The following KIAA0232 variants were observed in gnomAD, a reference collection of about 807,000 sequenced individuals.
KIAA0232 encodes the protein KIAA0232, also known as uncharacterized protein KIAA0232.
A neutral mutation model predicts 122.0 loss-of-function variants in KIAA0232; 27 were observed. The ratio of observed to expected loss-of-function variants is 0.22; its 90% CI spans 0.16 to 0.31. The LOEUF (loss-of-function observed/expected upper bound fraction) is 0.31, where lower values mean the gene tolerates loss of function less well. Among genes scored for constraint, KIAA0232 ranks in the 10% least tolerant of loss-of-function variants. The pLI is 1.00. For synonymous variants in KIAA0232, 613 were observed against 587.6 expected (o/e 1.04, Z -0.63); for missense variants, 1,551 against 1,634.2 (o/e 0.95, Z 0.88).
intron 8 of KIAA0232, among the ~76,000 whole-genome samples, chr4:6,873,451 C>T (rs545823458): frequency 6.6e-6 from 1 of 152,352 alleles, no homozygotes; most frequent in African/African-American, 2.4e-5. Flanking sequence ...GATGTGGCCA[C>T]AGCTGTGCCA....
intron 7 of KIAA0232, among the ~76,000 whole-genome samples, chr4:6,866,556 T>C (rs1191518977): frequency 1.3e-5 from 2 of 152,176 alleles, no homozygotes; most frequent in Non-Finnish European, 2.9e-5. Flanking sequence ...AAAGGTGCTT[T>C]TAAGAGGATG....
At chr4:6,815,917 C>T (rs1372319031) in intron 2 of KIAA0232, among the ~76,000 whole-genome samples, 2 of 152,132 alleles carry the variant, frequency 1.3e-5, no homozygotes, top group Non-Finnish European at 2.9e-5. Context: ...TTTTGTCTCA[C>T]CTCCTTGAAT....
In KIAA0232 at chr4:6,820,367, A is replaced by G. The variant is rs116237206; in HGVS notation, c.-269-3818A>G. On this transcript the variant is annotated intron_variant, in intron 2 of 9. Transcript: ENST00000307659. Reference sequence around the variant, plus strand: ...ATCTACCAGATTGACATTTAGGAATATAAATTTGAATTCTGTGGAAAAAAT... The same window carrying G: ...ATCTACCAGATTGACATTTAGGAATGTAAATTTGAATTCTGTGGAAAAAAT... Among the ~76,000 whole-genome samples, 1,356 of 152,342 alleles carry G rather than the reference A, an allele frequency of 8.9e-3. 11 individuals carry two copies. The highest frequency in any genetic ancestry group is 0.011 in the Non-Finnish European group (718 of 68,034).
At chr4:6,823,637 G>C (rs1241217056) in intron 2 of KIAA0232, among the ~76,000 whole-genome samples, 2 of 150,834 alleles carry the variant, frequency 1.3e-5, no homozygotes, top group African/African-American at 4.9e-5. Context: ...ACTTATTTCC[G>C]TTATACTTAG....
chr4:6,818,598 T>G (rs1027094051), intron 2 of KIAA0232, among the ~76,000 whole-genome samples: 1 of 151,970 alleles, frequency 6.6e-6, no homozygotes, highest in East Asian at 1.9e-4. Flanking sequence ...AAATATTTCA[T>G]GTTCATGGAC....
intron 4 of KIAA0232, among the ~76,000 whole-genome samples, chr4:6,847,071 T>C (rs1720003382): frequency 6.6e-6 from 1 of 152,060 alleles, no homozygotes; most frequent in African/African-American, 2.4e-5. Flanking sequence ...GACAATAATA[T>C]AGGTTATATT....
chr4:6,844,589 C>T (rs1473641626), intron 4 of KIAA0232, among the ~76,000 whole-genome samples: 1 of 152,134 alleles, frequency 6.6e-6, no homozygotes, highest in Admixed American at 6.6e-5. Flanking sequence ...GCATCCGCCA[C>T]CACACCCAGC....
intron 8 of KIAA0232, among the ~76,000 whole-genome samples, chr4:6,875,655 A>G (rs541936250): frequency 6.6e-6 from 1 of 152,234 alleles, no homozygotes; most frequent in East Asian, 1.9e-4. Context: ...ATCTCGTCAA[A>G]CTACCTTGTG....
At chr4:6,812,988 C>G (rs905572411) in intron 2 of KIAA0232, among the ~76,000 whole-genome samples, 3 of 152,240 alleles carry the variant, frequency 2.0e-5, no homozygotes, top group Non-Finnish European at 4.4e-5. Context: ...TTTAAATTAA[C>G]TTGGCCACAT....
At chr4:6,879,035 T>G (rs1721914325) in intron 9 of KIAA0232, among the ~76,000 whole-genome samples, 1 of 152,124 alleles carries the variant, frequency 6.6e-6, no homozygotes, top group Non-Finnish European at 1.5e-5. Flanking sequence ...TGCCTGCCAG[T>G]CCTGACCGTT....
chr4:6,874,235 G>A (rs938942534), intron 8 of KIAA0232, among the ~76,000 whole-genome samples: 7 of 152,206 alleles, frequency 4.6e-5, no homozygotes, highest in East Asian at 3.8e-4. Context: ...CAAACAGATC[G>A]TGTCCCTGTC....
intron 1 of KIAA0232, among the ~76,000 whole-genome samples, chr4:6,792,336 CAT>C (rs1433870444): frequency 6.6e-6 from 1 of 152,000 alleles, no homozygotes; most frequent in Admixed American, 6.6e-5. Flanking sequence ...CATTTTTGTA[CAT>C]ATGTCTTAGT....
In KIAA0232 at chr4:6,881,005, T is replaced by A. The variant is rs376757364; in HGVS notation, c.*39T>A. On this transcript the variant is annotated 3_prime_UTR_variant, in exon 10 of 10. Transcript: ENST00000307659. ...TACAAATTATTGTTTAAAAATGATA[T>A]GTGATGGAAAATTACTCTTCAGTGA... 5.8e-6 allele frequency: 8 copies of A among 1,375,094 alleles called. No homozygotes were observed. The highest frequency in any genetic ancestry group is 7.6e-6 in the Non-Finnish European group (8 of 1,049,814). 85.2% of individuals were successfully genotyped at this position (1,375,094 alleles called of 1,614,324 possible).
intron 1 of KIAA0232, among the ~76,000 whole-genome samples, chr4:6,783,145 G>A (rs893426036): frequency 3.9e-5 from 6 of 151,916 alleles, no homozygotes; most frequent in Middle Eastern, 3.2e-3. Flanking sequence ...TGATGGCTCC[G>A]GGGCCAGCCT....
intron 4 of KIAA0232, among the ~76,000 whole-genome samples, chr4:6,851,437 A>T (rs1720278034): frequency 6.6e-6 from 1 of 152,132 alleles, no homozygotes; most frequent in Non-Finnish European, 1.5e-5. Flanking sequence ...CCTGGGTGCG[A>T]TGGCTCATGC....
In KIAA0232 at chr4:6,810,327, A is replaced by G. The variant is rs537850027; in HGVS notation, c.-270+5721A>G. ...CGCTACCAACAACATACATCAGAGA[A>G]AGGATACCCTCTTAAAGAAATGGTG... is the stretch of plus-strand genomic sequence containing the variant. On this transcript the variant is annotated intron_variant, in intron 2 of 9. Transcript: ENST00000307659. Among the ~76,000 whole-genome samples, 3 of 152,324 alleles carry G rather than the reference A, an allele frequency of 2.0e-5. No individual in the cohort carries two copies. The South Asian group carries it at 6.2e-4, about 32-fold the overall frequency.
intron 1 of KIAA0232, among the ~76,000 whole-genome samples, chr4:6,786,061 T>C (rs759462004): frequency 6.6e-5 from 10 of 152,332 alleles, no homozygotes; most frequent in Middle Eastern, 3.4e-3. Context: ...TTTTCCTTCA[T>C]TATTGTCTAT....
At chr4:6,874,985 C>T (rs1721675710) in intron 8 of KIAA0232, among the ~76,000 whole-genome samples, 1 of 152,196 alleles carries the variant, frequency 6.6e-6, no homozygotes, top group African/African-American at 2.4e-5. Context: ...CTGAGCTATC[C>T]TTGTCAAGGA....
At chr4:6,822,173 T>C (rs148270281) in intron 2 of KIAA0232, among the ~76,000 whole-genome samples, 296 of 152,196 alleles carry the variant, frequency 1.9e-3, no homozygotes, top group African/African-American at 6.7e-3. Flanking sequence ...TTATGGAAAA[T>C]GTTTTGAAAG....
Sources: gnomAD v4.1 joint callset for allele counts (sites outside exome capture counted in the v4.1 genomes callset) on GRCh38, gnomAD v4.1.1 for gene constraint, MANE v1.5 for transcripts, NCBI Gene and HGNC (gene_info 2026-07-23, HGNC 2026-07-21) for gene names.